HGSNAT: variants seen among roughly 807,000 people sequenced by gnomAD.
HGSNAT encodes transmembrane protein 76.
Under a neutral mutation model 85.2 loss-of-function variants are expected in HGSNAT, and 59 were observed. That is an observed-to-expected ratio of 0.69 (90% CI 0.56 to 0.86). HGSNAT has a LOEUF of 0.86. Among genes scored for constraint, HGSNAT ranks in the 40% least tolerant of loss-of-function variants. The probability of loss-of-function intolerance (pLI) is 0.00; values close to 1 mark genes in which losing one functional copy is unlikely to be tolerated. For missense variants in HGSNAT, 756 were observed against 777.1 expected (o/e 0.97, Z 0.32); for synonymous variants, 321 against 304.5 (o/e 1.05, Z -0.56).
chr8:43,148,844 C>A (rs1202944546), intron 2 of HGSNAT, among the ~76,000 whole-genome samples: 1 of 150,754 alleles, frequency 6.6e-6, no homozygotes, highest in East Asian at 1.9e-4. Context: ...ACAGGCCGTG[C>A]ACGGTGGCTC....
At chr8:43,155,036 GTTGT>G (rs1308297702) in intron 2 of HGSNAT, among the ~76,000 whole-genome samples, 4 of 152,138 alleles carry the variant, frequency 2.6e-5, no homozygotes, top group Admixed American at 6.5e-5. Context: ...TGTTGATGGG[GTTGT>G]TTGTTTTTTT....
intron 1 of HGSNAT, among the ~76,000 whole-genome samples, chr8:43,145,896 G>A (rs1802699056): frequency 6.6e-6 from 1 of 152,258 alleles, no homozygotes. Context: ...GTGTTATTAA[G>A]TAGTTCCCCA....
intron 13 of HGSNAT, 41 bp downstream of exon 13, chr8:43,192,471 T>C (rs377683079): frequency 1.8e-4 from 285 of 1,556,586 alleles, no homozygotes; most frequent in Non-Finnish European, 2.4e-4. Flanking sequence ...GAACTCAGGC[T>C]TTCAGAAGTG....
intron 15 of HGSNAT, 164 bp downstream of exon 15, chr8:43,197,189 A>G: frequency 4.9e-6 from 3 of 615,182 alleles, no homozygotes; most frequent in Middle Eastern, 4.0e-4. Context: ...TTCCACCTAA[A>G]TGCACAGATT....
Position 43,182,238 on chromosome 8 carries a change from C to G in HGSNAT, c.1106C>G (p.Pro369Arg), listed in dbSNP as rs2130783868. Residue 369 changes from proline to arginine, a missense_variant, in exon 11 of 18, where the codon CCT (proline) becomes CGT (arginine). Physicochemically the swap from Pro to Arg is moderately radical, Grantham distance 103. Transcript: ENST00000379644. ...VAVLELLFAKPVPEHCASERS... is the reference protein window; with the variant it reads ...VAVLELLFAKRVPEHCASERS... ...GTGTTGGAGCTCCTCTTTGCTAAAC[C>G]TGTGCCTGAACATTGTGCCTCGGTG... 6.2e-7 allele frequency: 1 copy of G among 1,613,708 alleles called. No homozygotes were observed. The highest frequency in any genetic ancestry group is 8.5e-7 in the Non-Finnish European group (1 of 1,179,650).
intron 11 of HGSNAT, among the ~76,000 whole-genome samples, chr8:43,189,444 A>T (rs1804446964): frequency 6.6e-6 from 1 of 152,158 alleles, no homozygotes; most frequent in African/African-American, 2.4e-5. Flanking sequence ...CAGATGCAAG[A>T]TATAATCTCC....
chr8:43,185,866 G>A (rs575404657), intron 11 of HGSNAT, among the ~76,000 whole-genome samples: 22 of 152,084 alleles, frequency 1.4e-4, no homozygotes, highest in Admixed American at 2.6e-4. Flanking sequence ...GAATTTTGTC[G>A]AAGGCCTTTT....
At chr8:43,193,668 T>G in intron 13 of HGSNAT, 89 bp from the exon 14 acceptor site, 1 of 768,608 alleles carries the variant, frequency 1.3e-6, no homozygotes. Flanking sequence ...CATACTGGAG[T>G]GTATTCAGGT....
rs1804870967 is a variant in HGSNAT at position 43,200,147 on chromosome 8, C to T, written c.*578C>T. 6.6e-6 allele frequency: 1 copy of T among 152,200 alleles called. No individual in the cohort carries two copies. Among genetic ancestry groups the T allele is most frequent in the Non-Finnish European group, 1.5e-5 (1 of 68,040 alleles). The allele number at this position is 152,200 out of a possible 1,614,324, so 9.4% of individuals were successfully genotyped here. On this transcript the variant is annotated 3_prime_UTR_variant, in exon 18 of 18. Coordinates refer to ENST00000379644, the MANE Select transcript of HGSNAT (RefSeq NM_152419.3). ...GGGTCCAAAAAATGTCTATCACAAGCCATTTTTTCCTTTTCCTCTCTCGAA... is the reference window on the plus strand; with the variant it reads ...GGGTCCAAAAAATGTCTATCACAAGTCATTTTTTCCTTTTCCTCTCTCGAA...
At position 43,197,861 on chromosome 8, in the gene HGSNAT, G is replaced by A. The variant is rs775897635; in HGVS notation, c.1635G>A (p.Thr545=). ...CCAGGTCCCTTTCGTATGTCACTAC[G>A]CTCAGTTCTTTTGCCTTCTTCATCC... ...KNLWSLSYVT[T]LSSFAFFILL... Residue 545 remains threonine, a synonymous_variant, in exon 17 of 18, where the codon ACG becomes ACA. Transcript: ENST00000379644. The A allele has an allele frequency of 2.5e-5, 41 of 1,613,782 alleles. No homozygotes were observed. The highest frequency in any genetic ancestry group is 3.0e-5 in the Non-Finnish European group (35 of 1,179,836).
chr8:43,197,784 G>A (rs778029616), intron 16 of HGSNAT, 42 bp downstream of exon 16: 1 of 1,599,564 alleles, frequency 6.3e-7, no homozygotes, highest in South Asian at 1.1e-5. Context: ...GACTGTTCAT[G>A]CTGAAATTGG....
At chr8:43,183,717 T>C (rs139187376) in intron 11 of HGSNAT, among the ~76,000 whole-genome samples, 1,609 of 152,226 alleles carry the variant, frequency 0.011, 30 homozygotes, top group African/African-American at 0.036. Flanking sequence ...ACATGTGCCA[T>C]GTTGGTATGC....
intron 10 of HGSNAT, among the ~76,000 whole-genome samples, chr8:43,179,890 A>AC (rs1378251088): frequency 3.1e-4 from 13 of 42,324 alleles, no homozygotes; most frequent in African/African-American, 7.2e-4. Context: ...CGGGGGGCTG[A>AC]CCCCCCACCT....
rs1033103288 is a variant in HGSNAT at position 43,161,423 on chromosome 8, C to A, written c.494-15C>A. The A allele has an allele frequency of 6.2e-7, 1 of 1,609,668 alleles. No homozygotes were observed. The highest frequency in any genetic ancestry group is 2.2e-5 in the East Asian group (1 of 44,708). On this transcript the variant is annotated splice_polypyrimidine_tract_variant and intron_variant, in intron 4 of 17. Coordinates refer to ENST00000379644, the MANE Select transcript of HGSNAT (RefSeq NM_152419.3). ...ACATTTTTGGGGGCTAATGTGTTTT[C>A]TTCTCTTTTTCTAGCTGTGAGCATT...
chr8:43,196,320 C>A, intron 14 of HGSNAT: 1 of 411,568 alleles, frequency 2.4e-6, no homozygotes, highest in South Asian at 1.9e-5. Context: ...AAAATGAATA[C>A]CTAATTTCAG....
rs776791119 is a variant in HGSNAT at position 43,199,511 on chromosome 8, C to T, written c.1850C>T (p.Ala617Val). 3.1e-6 allele frequency: 5 copies of T among 1,608,674 alleles called. No homozygotes were observed. The highest frequency in any genetic ancestry group is 1.3e-5 in the African/African-American group (1 of 74,764). Residue 617 changes from alanine (A) to valine (V), a missense_variant, in exon 18 of 18, where the codon GCC becomes GTC. Transcript: ENST00000379644. ...EHLTQNIVAT[A>V]LWVLIAYILY... ...CTGACTCAGAACATCGTCGCCACTG[C>T]CCTCTGGGTGCTCATTGCCTACATC...
intron 5 of HGSNAT, among the ~76,000 whole-genome samples, chr8:43,168,248 T>G (rs545386376): frequency 7.2e-4 from 110 of 152,024 alleles, no homozygotes; most frequent in Middle Eastern, 3.4e-3. Flanking sequence ...GCAACCATAT[T>G]CAAAAAGAAC....
chr8:43,184,900 T>C (rs1804254212), intron 11 of HGSNAT, among the ~76,000 whole-genome samples: 1 of 152,222 alleles, frequency 6.6e-6, no homozygotes, highest in Non-Finnish European at 1.5e-5. Context: ...AGGAATCCTT[T>C]CCCCATTTCT....
chr8:43,164,913 G>C (rs553627915), intron 5 of HGSNAT, among the ~76,000 whole-genome samples: 4 of 152,120 alleles, frequency 2.6e-5, no homozygotes, highest in Non-Finnish European at 5.9e-5. Flanking sequence ...GGCCCAAAGA[G>C]AGGGAGGGAG....
Sources: allele counts gnomAD v4.1 joint callset (sites outside exome capture counted in the v4.1 genomes callset), GRCh38; gene constraint gnomAD v4.1.1; transcripts MANE v1.5; gene names NCBI Gene and HGNC (gene_info 2026-07-23, HGNC 2026-07-21).